Variants in NEK11 observed in about 807,000 individuals in gnomAD.
The protein encoded by NEK11 is serine/threonine-protein kinase Nek11.
Under a neutral mutation model 80.7 loss-of-function variants are expected in NEK11, and 72 were observed. The ratio of observed to expected loss-of-function variants is 0.89; its 90% confidence interval spans 0.74 to 1.08. NEK11 has a LOEUF of 1.08. NEK11 is among the 50% of genes least tolerant of loss of function. The pLI, the probability that NEK11 is intolerant of heterozygous loss-of-function variation, is 0.00. For missense variants in NEK11, 764 were observed against 763.6 expected, an observed-to-expected ratio of 1.00 and a Z score of -0.01; for synonymous variants, 251 against 260.7, an observed-to-expected ratio of 0.96 and a Z score of 0.36.
chr3:131,263,748 T>G (rs1360930392), intron 16 of NEK11, among the ~76,000 whole-genome samples: 2 of 152,162 alleles, frequency 1.3e-5, no homozygotes, highest in African/African-American at 4.8e-5. Flanking sequence ...GGTCACTGGG[T>G]CAAATGGTAT....
intron 17 of NEK11, among the ~76,000 whole-genome samples, chr3:131,289,457 C>A (rs1258253525): frequency 6.6e-6 from 1 of 152,134 alleles, no homozygotes; most frequent in Non-Finnish European, 1.5e-5. Context: ...GACTTTCTTA[C>A]AGGCCCTTTT....
intron 16 of NEK11, among the ~76,000 whole-genome samples, chr3:131,250,938 G>T (rs1352976853): frequency 1.3e-5 from 2 of 152,020 alleles, no homozygotes; most frequent in African/African-American, 4.8e-5. Context: ...CACACACTGA[G>T]TGCTTAGCTG....
chr3:131,031,589 A>C (rs1334068724), intron 3 of NEK11, among the ~76,000 whole-genome samples: 1 of 152,230 alleles, frequency 6.6e-6, no homozygotes, highest in Non-Finnish European at 1.5e-5. Context: ...TGAAACCTTT[A>C]GACTTAAGAT....
At chr3:131,279,075 T>C (rs6772165) in intron 17 of NEK11, among the ~76,000 whole-genome samples, 19,348 of 151,918 alleles carry the variant, frequency 0.13, 1,789 homozygotes, top group East Asian at 0.3. Flanking sequence ...TTTTGACTTT[T>C]AAAAATTTAC....
chr3:131,275,582 C>G (rs979098405), intron 17 of NEK11, among the ~76,000 whole-genome samples: 7 of 152,066 alleles, frequency 4.6e-5, no homozygotes, highest in Non-Finnish European at 1.0e-4. Context: ...TATTGCTCCT[C>G]TAGTGGAATA....
At chr3:131,212,889 G>A (rs1196216792) in intron 14 of NEK11, among the ~76,000 whole-genome samples, 3 of 152,122 alleles carry the variant, frequency 2.0e-5, no homozygotes, top group African/African-American at 7.2e-5. Context: ...TTTTTAAGAT[G>A]CAATTAATAT....
intron 7 of NEK11, among the ~76,000 whole-genome samples, chr3:131,150,198 G>T (rs2089350897): frequency 6.6e-6 from 1 of 151,876 alleles, no homozygotes; most frequent in African/African-American, 2.4e-5. Flanking sequence ...TGACTTTGAA[G>T]ATTTCAGTCC....
chr3:131,309,064 T>C (rs2096751268), intron 17 of NEK11, among the ~76,000 whole-genome samples: 1 of 152,178 alleles, frequency 6.6e-6, no homozygotes, highest in African/African-American at 2.4e-5. Flanking sequence ...CCTCCTGCTG[T>C]GTGGCCCGGT....
chr3:131,080,436 G>A lies in NEK11; in HGVS notation c.184G>A (p.Glu62Lys). The change falls in exon 4 of 18, where the codon GAA becomes AAA. Residue 62 changes from glutamate to lysine, a missense_variant. Physicochemically the swap from Glu to Lys is moderately conservative, Grantham distance 56 (BLOSUM62 1). Transcript: ENST00000383366. The part of the protein sequence containing the change: ...KRGEELKVLK[E>K]ISVGELNPNE... ...TTTTGATCTCAGAAAGGTACTTAAG[G>A]AAATATCTGTTGGAGAACTAAATCC... The A allele has an allele frequency of 6.3e-7, 1 of 1,598,994 alleles. No individual in the cohort carries two copies. Among genetic ancestry groups the A allele is most frequent in the Non-Finnish European group, 8.5e-7 (1 of 1,176,344 alleles).
intron 16 of NEK11, among the ~76,000 whole-genome samples, chr3:131,253,271 A>C (rs925738272): frequency 1.2e-4 from 18 of 152,144 alleles, no homozygotes; most frequent in African/African-American, 3.9e-4. Flanking sequence ...ATTGTCTTAC[A>C]TGAAGGCCCC....
intron 7 of NEK11, 131 bp from the exon 8 acceptor site, chr3:131,152,257 T>A: frequency 1.4e-6 from 1 of 697,760 alleles, no homozygotes; most frequent in Non-Finnish European, 2.3e-6. Context: ...GAAACTGCAG[T>A]TTTAAGTCAA....
chr3:131,220,266 A>C lies in NEK11; in HGVS notation c.1400-8262A>C, dbSNP rs868666896. Among the ~76,000 whole-genome samples, 5 of 152,188 alleles carry C rather than the reference A, an allele frequency of 3.3e-5. No individual in the cohort carries two copies. The South Asian group carries it at 1.0e-3, about 31-fold the overall frequency. On this transcript the variant is annotated intron_variant, in intron 14 of 17. Transcript: ENST00000383366. The stretch of plus-strand genomic sequence containing the variant: ...TTACCTTATGTAAAAGGTAAAAAAA[A>C]ATCTTATGGTTTTGGGGACGTTGTA...
intron 16 of NEK11, among the ~76,000 whole-genome samples, chr3:131,270,544 G>A (rs778169610): frequency 6.6e-6 from 1 of 152,198 alleles, no homozygotes; most frequent in Non-Finnish European, 1.5e-5. Context: ...TATTATGATT[G>A]TTAAATGAAT....
At chr3:131,339,047 A>G (rs2097244710) in intron 17 of NEK11, among the ~76,000 whole-genome samples, 1 of 152,144 alleles carries the variant, frequency 6.6e-6, no homozygotes, top group African/African-American at 2.4e-5. Flanking sequence ...AGATGAAATA[A>G]AAACAAAACA....
At chr3:131,061,811 C>T (rs930405152) in intron 3 of NEK11, among the ~76,000 whole-genome samples, 8 of 152,156 alleles carry the variant, frequency 5.3e-5, no homozygotes, top group African/African-American at 1.9e-4. Context: ...AGGACAACCT[C>T]CCTGCCATCA....
At chr3:131,255,912 A>G (rs953954883) in intron 16 of NEK11, among the ~76,000 whole-genome samples, 6 of 152,098 alleles carry the variant, frequency 3.9e-5, no homozygotes, top group Admixed American at 3.3e-4. Context: ...CTGGTTCTAT[A>G]CCTCACTTCC....
At chr3:131,145,857 G>T (rs920131788) in intron 7 of NEK11, among the ~76,000 whole-genome samples, 26 of 152,102 alleles carry the variant, frequency 1.7e-4, no homozygotes, top group African/African-American at 6.0e-4. Context: ...CATTAGGATT[G>T]TTGTGAGTGT....
chr3:131,197,728 G>T (rs1277121769), intron 14 of NEK11, among the ~76,000 whole-genome samples: 2 of 152,150 alleles, frequency 1.3e-5, no homozygotes, highest in East Asian at 3.9e-4. Flanking sequence ...GGGGAGGGAA[G>T]TATGTCCTCG....
intron 16 of NEK11, among the ~76,000 whole-genome samples, chr3:131,255,063 A>C (rs545967947): frequency 4.8e-5 from 7 of 145,976 alleles, no homozygotes; most frequent in African/African-American, 1.8e-4. Flanking sequence ...ACAGACAGAC[A>C]GACAGACAGA....
Sources: gnomAD v4.1 joint callset for allele counts (sites outside exome capture counted in the v4.1 genomes callset) on GRCh38, gnomAD v4.1.1 for gene constraint, MANE v1.5 for transcripts, NCBI Gene and HGNC (gene_info 2026-07-23, HGNC 2026-07-21) for gene names.